Variants in STAP1 observed in about 807,000 individuals in gnomAD.
The protein encoded by STAP1 is signal-transducing adaptor protein 1.
A neutral mutation model predicts 37.8 loss-of-function variants in STAP1; 30 were observed. That is an observed-to-expected ratio of 0.79 (90% CI 0.59 to 1.08). The LOEUF (loss-of-function observed/expected upper bound fraction) is 1.08, where lower values mean the gene tolerates loss of function less well. Ranked by LOEUF, STAP1 falls within the 50% of genes least tolerant of loss-of-function variation. The probability of loss-of-function intolerance (pLI) is 0.00; values close to 1 mark genes in which losing one functional copy is unlikely to be tolerated. For missense variants in STAP1, 357 were observed against 349.4 expected (o/e 1.02, Z -0.17); for synonymous variants, 130 against 116.0 (o/e 1.12, Z -0.78).
intron 7 of STAP1, among the ~76,000 whole-genome samples, chr4:67,592,004 C>T (rs981567726): frequency 6.6e-6 from 1 of 152,196 alleles, no homozygotes; most frequent in Non-Finnish European, 1.5e-5. Context: ...AACTGGGGCT[C>T]ATTTCTGTCA....
chr4:67,584,511 C>A (rs1356104982), intron 6 of STAP1, among the ~76,000 whole-genome samples: 2 of 152,040 alleles, frequency 1.3e-5, no homozygotes, highest in Admixed American at 6.5e-5. Context: ...AGATGGGAAC[C>A]CTCAGAGGTG....
intron 8 of STAP1, among the ~76,000 whole-genome samples, chr4:67,603,337 G>A (rs1477028723): frequency 1.3e-5 from 2 of 152,164 alleles, no homozygotes; most frequent in Non-Finnish European, 2.9e-5. Context: ...GTCTAGAATT[G>A]GGAACCACAA....
chr4:67,584,877 A>G (rs1727947250), intron 6 of STAP1, among the ~76,000 whole-genome samples: 1 of 152,230 alleles, frequency 6.6e-6, no homozygotes, highest in Admixed American at 6.5e-5. Flanking sequence ...AACTGTTGTC[A>G]TAATCTGACT....
chr4:67,576,789 T>C (rs1255872169), intron 3 of STAP1, among the ~76,000 whole-genome samples: 2 of 152,214 alleles, frequency 1.3e-5, no homozygotes, highest in Admixed American at 1.3e-4. Flanking sequence ...CTACCAACCC[T>C]GACCTGGTAT....
chr4:67,572,155 G>C (rs1411843829), intron 2 of STAP1, among the ~76,000 whole-genome samples: 2 of 152,094 alleles, frequency 1.3e-5, no homozygotes, highest in African/African-American at 4.8e-5. Flanking sequence ...GCAGAATCTT[G>C]GGCCAGTTAC....
rs377423840 is a variant in STAP1 at position 67,593,207 on chromosome 4, C to T, written c.730-53C>T. On this transcript the variant is annotated intron_variant, in intron 7 of 8. Transcript: ENST00000265404. ...TAGATTCCAGTTGAGCCTTCTCTTA[C>T]TCTATACTTATGCAGGTGATGCTGA... 8.0e-4 allele frequency: 1,051 copies of T among 1,318,402 alleles called. 9 individuals carry two copies. Among genetic ancestry groups the T allele is most frequent in the African/African-American group, 3.4e-3 (229 of 68,120 alleles). 81.7% of individuals were successfully genotyped at this position (1,318,402 alleles called of 1,614,324 possible).
chr4:67,601,586 G>A (rs903632179), intron 8 of STAP1, among the ~76,000 whole-genome samples: 3 of 152,120 alleles, frequency 2.0e-5, no homozygotes, highest in African/African-American at 4.8e-5. Flanking sequence ...AGGAAAGTAT[G>A]TCTCCTCCAT....
chr4:67,578,901 T>C (rs1260425915), intron 4 of STAP1, among the ~76,000 whole-genome samples: 3 of 151,568 alleles, frequency 2.0e-5, no homozygotes, highest in Non-Finnish European at 4.4e-5. Context: ...CAATCTTGGC[T>C]CACTGCAACC....
At chr4:67,579,120 C>G (rs183700784) in intron 4 of STAP1, among the ~76,000 whole-genome samples, 57 of 152,320 alleles carry the variant, frequency 3.7e-4, no homozygotes, top group African/African-American at 1.3e-3. Flanking sequence ...TCCCAAAGTG[C>G]TGGGATTACA....
At chr4:67,589,291 A>T (rs1352268120) in intron 6 of STAP1, among the ~76,000 whole-genome samples, 1 of 152,152 alleles carries the variant, frequency 6.6e-6, no homozygotes, top group East Asian at 1.9e-4. Flanking sequence ...CTGATTCCTG[A>T]AGTTTCAGCG....
chr4:67,587,132 T>A (rs1728002657), intron 6 of STAP1, among the ~76,000 whole-genome samples: 1 of 152,214 alleles, frequency 6.6e-6, no homozygotes, highest in Non-Finnish European at 1.5e-5. Context: ...GTACAGAGTA[T>A]TAGAATTTTA....
At chr4:67,570,576 T>G (rs115069377) in intron 1 of STAP1, among the ~76,000 whole-genome samples, 6,630 of 152,040 alleles carry the variant, frequency 0.044, 180 homozygotes, top group African/African-American at 0.045. Context: ...GTGGGAGGAT[T>G]GCTTGAGCCC....
intron 2 of STAP1, 36 bp downstream of exon 2, chr4:67,571,191 C>A: frequency 7.2e-7 from 1 of 1,394,380 alleles, no homozygotes; most frequent in Non-Finnish European, 1.0e-6. Flanking sequence ...CATTGTTTCC[C>A]AATATACCCT....
chr4:67,574,559 C>G (rs1727677022), intron 2 of STAP1, among the ~76,000 whole-genome samples: 1 of 151,992 alleles, frequency 6.6e-6, no homozygotes, highest in African/African-American at 2.4e-5. Flanking sequence ...TAGAGTGAAA[C>G]AGATTCAGAC....
chr4:67,592,865 G>C (rs60017253), intron 7 of STAP1, among the ~76,000 whole-genome samples: 1 of 151,910 alleles, frequency 6.6e-6, no homozygotes, highest in Non-Finnish European at 1.5e-5. Flanking sequence ...TTCAATTTTC[G>C]TAGAGACAGG....
At chr4:67,576,358 G>A (rs972807375) in intron 3 of STAP1, among the ~76,000 whole-genome samples, 3 of 151,936 alleles carry the variant, frequency 2.0e-5, no homozygotes, top group Non-Finnish European at 4.4e-5. Flanking sequence ...AACTCCATGA[G>A]AACAAGGTTT....
At chr4:67,599,256 A>G (rs1728288822) in intron 8 of STAP1, among the ~76,000 whole-genome samples, 1 of 152,162 alleles carries the variant, frequency 6.6e-6, no homozygotes, top group African/African-American at 2.4e-5. Context: ...CTCCTCCTCT[A>G]TTTTTTGAAT....
intron 4 of STAP1, among the ~76,000 whole-genome samples, chr4:67,580,017 C>T (rs1411289363): frequency 1.3e-5 from 2 of 152,122 alleles, no homozygotes; most frequent in African/African-American, 4.8e-5. Context: ...AGGCACATGC[C>T]ACCCAAAATT....
intron 7 of STAP1, among the ~76,000 whole-genome samples, chr4:67,592,187 C>A (rs1728134007): frequency 6.6e-6 from 1 of 151,734 alleles, no homozygotes; most frequent in Admixed American, 6.6e-5. Context: ...AGTGGCTGTT[C>A]ACAGGCACAA....
Sources: allele counts gnomAD v4.1 joint callset (sites outside exome capture counted in the v4.1 genomes callset), GRCh38; gene constraint gnomAD v4.1.1; transcripts MANE v1.5; gene names NCBI Gene and HGNC (gene_info 2026-07-23, HGNC 2026-07-21).